DGCR2: variants seen among roughly 807,000 people sequenced by gnomAD.
DGCR2 encodes the protein integral membrane protein DGCR2/IDD.
Under a neutral mutation model 51.6 loss-of-function variants are expected in DGCR2, and 24 were observed. That is an observed-to-expected ratio of 0.47 (90% CI 0.34 to 0.65). The LOEUF is 0.65. Ranked by LOEUF, DGCR2 falls within the 30% of genes least tolerant of loss-of-function variation. DGCR2 has a pLI of 0.01. For synonymous variants in DGCR2, 340 were observed against 315.4 expected (o/e 1.08, Z -0.82); for missense variants, 765 against 772.1 (o/e 0.99, Z 0.11).
intron 1 of DGCR2, among the ~76,000 whole-genome samples, chr22:19,100,026 C>A (rs2083184356): frequency 6.6e-6 from 1 of 150,962 alleles, no homozygotes; most frequent in Non-Finnish European, 1.5e-5. Flanking sequence ...ATAATCCCAG[C>A]ACTTTGGGAG....
At chr22:19,121,000 C>T (rs908020103) in intron 1 of DGCR2, among the ~76,000 whole-genome samples, 4 of 152,222 alleles carry the variant, frequency 2.6e-5, no homozygotes, top group African/African-American at 9.6e-5. Context: ...CCTTGGCCAC[C>T]AGGCAGGCAC....
intron 1 of DGCR2, among the ~76,000 whole-genome samples, chr22:19,107,344 GC>G (rs2083270106): frequency 6.6e-6 from 1 of 152,162 alleles, no homozygotes; most frequent in African/African-American, 2.4e-5. Flanking sequence ...TTCTCCCACA[GC>G]CCAAGGGGTC....
chr22:19,094,054 T>G (rs1398833671), intron 1 of DGCR2, among the ~76,000 whole-genome samples: 1 of 152,170 alleles, frequency 6.6e-6, no homozygotes, highest in East Asian at 1.9e-4. Flanking sequence ...AATGGTCACT[T>G]AACCAAGGAA....
intron 3 of DGCR2, among the ~76,000 whole-genome samples, chr22:19,067,665 C>CT (rs1406250909): frequency 1.3e-5 from 2 of 151,964 alleles, no homozygotes; most frequent in African/African-American, 4.8e-5. Context: ...GCACTCCAGC[C>CT]TGGGTGACAA....
At chr22:19,066,389 G>T (rs1172854675) in intron 3 of DGCR2, among the ~76,000 whole-genome samples, 1 of 152,058 alleles carries the variant, frequency 6.6e-6, no homozygotes, top group Non-Finnish European at 1.5e-5. Context: ...CTGGGTGACA[G>T]AGTGAGACCC....
Position 19,038,936 on chromosome 22 carries a change from T to C in DGCR2, c.1582A>G (p.Ser528Gly). Residue 528 changes from serine (S) to glycine (G), a missense_variant, in exon 10 of 10, where the codon AGC (serine) becomes GGC (glycine). Ser to Gly is a moderately conservative substitution (Grantham distance 56, BLOSUM62 0). Coordinates refer to ENST00000263196, the MANE Select transcript of DGCR2 (RefSeq NM_005137.3). ...GGCAGTGCCTCTGCAGCTGGGGTGC[T>C]CCCGCTCTGGGCAGGGTCAGGGGGC... The part of the protein sequence containing the change: ...LVPPDPAQSG[S>G]TPAAEALPGG... 2 of 1,612,562 alleles carry C rather than the reference T, an allele frequency of 1.2e-6. No homozygotes were observed. The highest frequency in any genetic ancestry group is 1.7e-6 in the Non-Finnish European group (2 of 1,179,788).
intron 1 of DGCR2, among the ~76,000 whole-genome samples, chr22:19,095,081 G>C (rs1006733256): frequency 6.6e-6 from 1 of 152,022 alleles, no homozygotes; most frequent in African/African-American, 2.4e-5. Context: ...ACTCAAATTT[G>C]GCCGTGTGCA....
At chr22:19,097,167 C>T (rs2083150723) in intron 1 of DGCR2, among the ~76,000 whole-genome samples, 1 of 152,082 alleles carries the variant, frequency 6.6e-6, no homozygotes, top group African/African-American at 2.4e-5. Flanking sequence ...ATCCACCTTG[C>T]CTTGCCTTGG....
chr22:19,068,247 T>G, intron 2 of DGCR2, 22 bp from the exon 3 acceptor site: 1 of 1,572,314 alleles, frequency 6.4e-7, no homozygotes, highest in Non-Finnish European at 8.6e-7. Context: ...AGGAGATGTG[T>G]GCTGTGAGTC....
chr22:19,063,550 C>A (rs1311095416), intron 4 of DGCR2, among the ~76,000 whole-genome samples: 1 of 150,550 alleles, frequency 6.6e-6, no homozygotes, highest in Non-Finnish European at 1.5e-5. Context: ...GGGGTTTCAC[C>A]ATATTGGCCA....
In DGCR2 at chr22:19,112,637, T is replaced by C. The variant is rs1454569841; in HGVS notation, c.79+9491A>G. ...TTTTGTAGTTTTTGCAGAGATGCCATATTGCCCAGGCTGGTTTAGAACTTC... is the reference window on the plus strand; with the variant it reads ...TTTTGTAGTTTTTGCAGAGATGCCACATTGCCCAGGCTGGTTTAGAACTTC... On this transcript the variant is annotated intron_variant, in intron 1 of 9. Coordinates refer to ENST00000263196, the MANE Select transcript of DGCR2 (RefSeq NM_005137.3). Among the ~76,000 whole-genome samples the C allele has an allele frequency of 1.4e-5, 2 of 143,486 alleles. 1 individual carries two copies. Among genetic ancestry groups the C allele is most frequent in the Non-Finnish European group, 3.1e-5 (2 of 64,676 alleles). The allele number at this position is 143,486 out of a possible 152,430, so 94.1% of individuals were successfully genotyped here.
intron 6 of DGCR2, among the ~76,000 whole-genome samples, chr22:19,054,177 T>C (rs1044261708): frequency 2.0e-5 from 3 of 152,240 alleles, no homozygotes; most frequent in Admixed American, 6.5e-5. Flanking sequence ...TTTTGATCCA[T>C]ATAGTGTGGG....
intron 3 of DGCR2, among the ~76,000 whole-genome samples, chr22:19,066,787 T>C (rs2082754649): frequency 6.6e-6 from 1 of 152,186 alleles, no homozygotes; most frequent in African/African-American, 2.4e-5. Flanking sequence ...AGTTGCTTAC[T>C]ACCCAGGCAG....
rs575270256 is a variant in DGCR2 at position 19,063,345 on chromosome 22, T to C, written c.549-67A>G. The C allele has an allele frequency of 1.0e-5, 15 of 1,466,042 alleles. No homozygotes were observed. In the African/African-American group the frequency reaches 1.8e-4, roughly 18 times the overall value. The allele number at this position is 1,466,042 out of a possible 1,614,324, so 90.8% of individuals were successfully genotyped here. On this transcript the variant is annotated intron_variant, in intron 4 of 9. Transcript: ENST00000263196. ...AGGGATGCAACCATCAATGACTGTG[T>C]GTTTTTTGTTTTTTGAGACAGAGTC...
chr22:19,088,940 A>AT (rs1213013411), intron 2 of DGCR2, among the ~76,000 whole-genome samples: 1 of 152,172 alleles, frequency 6.6e-6, no homozygotes, highest in African/African-American at 2.4e-5. Flanking sequence ...TTCCAGGTGA[A>AT]TGAGTGAGCA....
intron 2 of DGCR2, among the ~76,000 whole-genome samples, chr22:19,075,224 G>A (rs991055472): frequency 8.6e-5 from 13 of 150,994 alleles, no homozygotes; most frequent in African/African-American, 2.7e-4. Context: ...TCAGGAGATC[G>A]AGACCATCCT....
In DGCR2 at chr22:19,063,086, T is replaced by C. The variant is rs1601533891; in HGVS notation, c.625+116A>G. On this transcript the variant is annotated intron_variant, in intron 5 of 9. Coordinates refer to ENST00000263196, the MANE Select transcript of DGCR2 (RefSeq NM_005137.3). ...CTCCCTGCAACTGGGGCTCACCCAC[T>C]CCCTGCACAGCACCCCTACGGGCCA... is the stretch of plus-strand genomic sequence containing the variant. The C allele has an allele frequency of 1.1e-6, 1 of 934,694 alleles. No individual in the cohort carries two copies. The highest frequency in any genetic ancestry group is 2.1e-5 in the Admixed American group (1 of 46,984). 57.9% of individuals were successfully genotyped at this position (934,694 alleles called of 1,614,324 possible).
intron 1 of DGCR2, among the ~76,000 whole-genome samples, chr22:19,119,312 T>C (rs191958354): frequency 4.6e-5 from 7 of 152,298 alleles, no homozygotes; most frequent in African/African-American, 1.4e-4. Flanking sequence ...GTGCTCTGGA[T>C]TTCAGCTTCC....
At chr22:19,051,153 C>T (rs564522704) in intron 6 of DGCR2, among the ~76,000 whole-genome samples, 1 of 137,056 alleles carries the variant, frequency 7.3e-6, no homozygotes, top group South Asian at 2.4e-4. Context: ...TGCACCACTT[C>T]ACTCCAGCCT....
Sources: allele counts gnomAD v4.1 joint callset (sites outside exome capture counted in the v4.1 genomes callset), GRCh38; gene constraint gnomAD v4.1.1; transcripts MANE v1.5; gene names NCBI Gene and HGNC (gene_info 2026-07-23, HGNC 2026-07-21).